The following TEX264 variants were observed in gnomAD, a reference collection of about 807,000 sequenced individuals.
TEX264 encodes the protein testis-expressed protein 264.
A neutral mutation model predicts 23.4 loss-of-function variants in TEX264; 13 were observed. That is an observed-to-expected ratio of 0.56 (90% confidence interval 0.36 to 0.88). TEX264 has a LOEUF of 0.88. Among genes scored for constraint, TEX264 ranks in the 40% least tolerant of loss-of-function variants. The pLI is 0.01. For missense variants in TEX264, 340 were observed against 406.8 expected (o/e 0.84, Z 1.41); for synonymous variants, 159 against 170.0 (o/e 0.94, Z 0.50).
At chr3:51,689,559 A>C (rs1219851588) in intron 3 of TEX264, among the ~76,000 whole-genome samples, 1 of 151,872 alleles carries the variant, frequency 6.6e-6, no homozygotes, top group African/African-American at 2.4e-5. Flanking sequence ...CCCTGTGGCT[A>C]TCAGCCTGTG....
At chr3:51,697,698 C>T (rs1460055097) in intron 3 of TEX264, among the ~76,000 whole-genome samples, 2 of 152,256 alleles carry the variant, frequency 1.3e-5, no homozygotes, top group East Asian at 1.9e-4. Context: ...TAAGTGCTGG[C>T]ATTGGAGGGG....
intron 3 of TEX264, among the ~76,000 whole-genome samples, chr3:51,687,943 C>T (rs978281581): frequency 1.3e-5 from 2 of 152,232 alleles, no homozygotes; most frequent in Non-Finnish European, 2.9e-5. Context: ...GCATGGCAGC[C>T]TCTGGCTCTC....
chr3:51,694,087 C>CCTTCCTTCCTTCCTTCCTTT (rs1559680823), intron 3 of TEX264, among the ~76,000 whole-genome samples: 90 of 45,472 alleles, frequency 2.0e-3, no homozygotes, highest in Non-Finnish European at 2.1e-4. Context: ...TTCCGTCCGT[C>CCTTCCTTCCTTCCTTCCTTT]CTTCCTTCCT....
rs1702840896 is a variant in TEX264, at chr3:51,691,897, A to G, written c.480+7263A>G. Among the ~76,000 whole-genome samples, 1 of 152,218 alleles carries G rather than the reference A, an allele frequency of 6.6e-6. No individual in the cohort carries two copies. The highest frequency in any genetic ancestry group is 2.4e-5 in the African/African-American group (1 of 41,456). On this transcript the variant is annotated intron_variant, in intron 3 of 4. Transcript: ENST00000341333. This position sits in a 1 kb window ranked among gnomAD's most constrained non-coding sequence, Gnocchi z 4.4. ...CAAGCCAAGAGGCGATCCTCCCACC[A>G]TACCACGGCTTGGCTTCCCCGGCTC...
chr3:51,675,342 C>T (rs1287407801), intron 2 of TEX264, among the ~76,000 whole-genome samples: 1 of 152,178 alleles, frequency 6.6e-6, no homozygotes, highest in Non-Finnish European at 1.5e-5. Flanking sequence ...GTCAAGGGTT[C>T]TTCAGCCTCT....
chr3:51,695,583 G>A (rs1298915122), intron 3 of TEX264, among the ~76,000 whole-genome samples: 2 of 152,178 alleles, frequency 1.3e-5, no homozygotes, highest in Admixed American at 6.5e-5. Context: ...AGACCTGCTG[G>A]GGAGGCACTG....
Position 51,684,477 on chromosome 3 carries a change from C to G in TEX264, c.323C>G (p.Ser108Cys), listed in dbSNP as rs1259497973. 1 of 1,614,090 alleles carries G rather than the reference C, an allele frequency of 6.2e-7. No individual in the cohort carries two copies. The highest frequency in any genetic ancestry group is 8.5e-7 in the Non-Finnish European group (1 of 1,180,044). The change falls in exon 3 of 5, where the codon TCC becomes TGC. Residue 108 changes from serine (S) to cysteine (C), a missense_variant. Physicochemically the swap from Ser to Cys is moderately radical, Grantham distance 112 (BLOSUM62 -1). Coordinates refer to ENST00000341333, the MANE Select transcript of TEX264 (RefSeq NM_015926.6). ...SILSEGEESP[S>C]PELIDLYQKF... ...CTGAGTGAAGGTGAGGAATCGCCCT[C>G]CCCTGAGCTCATCGACCTCTACCAG...
chr3:51,695,281 C>T (rs2107008895), intron 3 of TEX264, among the ~76,000 whole-genome samples: 1 of 152,312 alleles, frequency 6.6e-6, no homozygotes, highest in South Asian at 2.1e-4. Flanking sequence ...CCTTGCTGGG[C>T]CTAGAGCTTA....
rs571498184 is a variant in TEX264 at position 51,702,180 on chromosome 3, C to T, written c.650-1544C>T. 2.6e-5 allele frequency among the ~76,000 whole-genome samples: 4 copies of T among 152,258 alleles called. No individual in the cohort carries two copies. In the East Asian group the frequency reaches 5.8e-4, roughly 22 times the overall value. On this transcript the variant is annotated intron_variant, in intron 4 of 4. Transcript: ENST00000341333. Reference sequence around the variant, plus strand: ...TAATAGGGCCAGGGAGAAACTGTCTCCCTCCTTTGCTCTTTTCAGGCCTGC... The same window carrying T: ...TAATAGGGCCAGGGAGAAACTGTCTTCCTCCTTTGCTCTTTTCAGGCCTGC...
At chr3:51,672,956 G>C (rs1409390183) in intron 1 of TEX264, among the ~76,000 whole-genome samples, 4 of 152,322 alleles carry the variant, frequency 2.6e-5, no homozygotes, top group South Asian at 2.1e-4. Flanking sequence ...ATACTGATGG[G>C]TAGAAGCACA....
At chr3:51,690,652 T>C (rs1702795622) in intron 3 of TEX264, among the ~76,000 whole-genome samples, 1 of 151,794 alleles carries the variant, frequency 6.6e-6, no homozygotes, top group Non-Finnish European at 1.5e-5. Context: ...TTTGCCAAGC[T>C]AACATGGGAA....
At position 51,674,563 on chromosome 3, in the gene TEX264, G is replaced by C; in HGVS notation, c.258+1G>C. 1 of 1,613,800 alleles carries C rather than the reference G, an allele frequency of 6.2e-7. No homozygotes were observed. The highest frequency in any genetic ancestry group is 8.5e-7 in the Non-Finnish European group (1 of 1,179,798). Reference sequence around the variant, plus strand: ...TGTCTACTATGACAACCCCCACATGGTAAGGAGTCTCCATGGGGTTCTGCC... The same window carrying C: ...TGTCTACTATGACAACCCCCACATGCTAAGGAGTCTCCATGGGGTTCTGCC... On this transcript the variant is annotated splice_donor_variant, in intron 2 of 4. Coordinates refer to ENST00000341333, the MANE Select transcript of TEX264 (RefSeq NM_015926.6). LOFTEE classifies it high-confidence loss of function.
Position 51,703,843 on chromosome 3 carries a change from A to T in TEX264, c.769A>T (p.Thr257Ser), listed in dbSNP as rs1466906932. 2 of 1,612,898 alleles carry T rather than the reference A, an allele frequency of 1.2e-6. No homozygotes were observed. ...ASSRGWDDGDTRSEHSYSESG... is the reference protein window; with the variant it reads ...ASSRGWDDGDSRSEHSYSESG... ...CAGCCGTGGCTGGGATGACGGTGACACCCGCAGCGAGCACAGCTACAGCGA... is the reference window on the plus strand; with the variant it reads ...CAGCCGTGGCTGGGATGACGGTGACTCCCGCAGCGAGCACAGCTACAGCGA... The change falls in exon 5 of 5, where the codon ACC becomes TCC. Residue 257 changes from threonine (T) to serine (S), a missense_variant. Thr to Ser is a moderately conservative substitution (Grantham distance 58). Coordinates refer to ENST00000341333, the MANE Select transcript of TEX264 (RefSeq NM_015926.6). The surrounding 1 kb of genome is among the most constrained non-coding windows in gnomAD (Gnocchi z 4.8).
chr3:51,703,902 G>A lies in TEX264; in HGVS notation c.828G>A (p.Leu276=). The change falls in exon 5 of 5, where the codon CTG becomes CTA. Residue 276 remains leucine, a synonymous_variant. Transcript: ENST00000341333. The surrounding 1 kb of genome is among the most constrained non-coding windows in gnomAD (Gnocchi z 4.8). ...SGASGSSFEE[L]DLEGEGPLGE... ...CCAGCGGCTCCTCTTTTGAGGAGCT[G>A]GACTTGGAGGGCGAGGGGCCCTTAG... 6.2e-7 allele frequency: 1 copy of A among 1,610,964 alleles called. No homozygotes were observed. The highest frequency in any genetic ancestry group is 1.1e-5 in the South Asian group (1 of 90,988).
rs1344298262 is a variant in TEX264, at chr3:51,691,543, A to G, written c.480+6909A>G. ...CGGTGGTGGCATTTGGGCTGCACCT[A>G]TAAGGTAGGCAGTGTTCCCCAGGTG... On this transcript the variant is annotated intron_variant, in intron 3 of 4. Transcript: ENST00000341333. This position sits in a 1 kb window ranked among gnomAD's most constrained non-coding sequence, Gnocchi z 4.4. Among the ~76,000 whole-genome samples the G allele has an allele frequency of 5.3e-5, 8 of 152,186 alleles. No individual in the cohort carries two copies. Among genetic ancestry groups the G allele is most frequent in the Non-Finnish European group, 1.0e-4 (7 of 68,022 alleles).
chr3:51,703,360 T>C lies in TEX264; in HGVS notation c.650-364T>C, dbSNP rs1269621824. Reference sequence around the variant, plus strand: ...GGAGAGGACACTACTTGTGTCTCTTTGTTCTACCTCAGCTCCTCACCTCAG... The same window carrying C: ...GGAGAGGACACTACTTGTGTCTCTTCGTTCTACCTCAGCTCCTCACCTCAG... On this transcript the variant is annotated intron_variant, in intron 4 of 4. Transcript: ENST00000341333. This position sits in a 1 kb window ranked among gnomAD's most constrained non-coding sequence, Gnocchi z 4.8. Among the ~76,000 whole-genome samples the C allele has an allele frequency of 6.6e-6, 1 of 151,846 alleles. No individual in the cohort carries two copies. The highest frequency in any genetic ancestry group is 1.5e-5 in the Non-Finnish European group (1 of 67,780).
intron 1 of TEX264, chr3:51,671,640 A>T (rs759102339): frequency 1.9e-5 from 3 of 154,762 alleles, no homozygotes; most frequent in Non-Finnish European, 4.4e-5. Context: ...AGCGTCCTTT[A>T]AGTTACAGAC....
intron 4 of TEX264, among the ~76,000 whole-genome samples, chr3:51,701,439 C>T (rs1449951672): frequency 2.0e-5 from 3 of 151,742 alleles, no homozygotes; most frequent in Non-Finnish European, 4.4e-5. Flanking sequence ...GTCCTCCCAC[C>T]TCAGCCTCCT....
chr3:51,699,392 C>T lies in TEX264; in HGVS notation c.481-14C>T. 1 of 1,611,896 alleles carries T rather than the reference C, an allele frequency of 6.2e-7. No homozygotes were observed. Among genetic ancestry groups the T allele is most frequent in the Non-Finnish European group, 8.5e-7 (1 of 1,178,152 alleles). On this transcript the variant is annotated splice_polypyrimidine_tract_variant and intron_variant, in intron 3 of 4. Coordinates refer to ENST00000341333, the MANE Select transcript of TEX264 (RefSeq NM_015926.6). ...CTGTAGGGCTCATTCTACCTTTTGC[C>T]ACTCTCTGACTAGGAGCGGAAGCTG...
Sources: allele counts gnomAD v4.1 joint callset (sites outside exome capture counted in the v4.1 genomes callset), GRCh38; gene constraint gnomAD v4.1.1; non-coding constraint Gnocchi (gnomAD v3.1); transcripts MANE v1.5; gene names NCBI Gene and HGNC (gene_info 2026-07-23, HGNC 2026-07-21).